Variants in CAPN13 observed in about 807,000 individuals in gnomAD.
CAPN13 encodes calpain-13.
CAPN13 carries 90 observed loss-of-function variants against 98.4 expected under a neutral mutation model. That is an observed-to-expected ratio of 0.92 (90% confidence interval 0.77 to 1.09). CAPN13 has a LOEUF of 1.09. Among genes scored for constraint, CAPN13 ranks in the 50% least tolerant of loss-of-function variants. The pLI, the probability that CAPN13 is intolerant of heterozygous loss-of-function variation, is 0.00. For synonymous variants in CAPN13, 330 were observed against 305.5 expected, an observed-to-expected ratio of 1.08 and a Z score of -0.84; for missense variants, 887 against 841.3, an observed-to-expected ratio of 1.05 and a Z score of -0.67.
chr2:30,787,432 G>A (rs1674351198), intron 1 of CAPN13, 75 bp from the exon 2 acceptor site: 1 of 1,154,526 alleles, frequency 8.7e-7, no homozygotes, highest in Non-Finnish European at 1.2e-6. Flanking sequence ...AGCCCCAGAT[G>A]GGCACTCTGA....
At chr2:30,736,437 G>C (rs1287175146) in intron 18 of CAPN13, 66 bp downstream of exon 18, 21 of 1,482,432 alleles carry the variant, frequency 1.4e-5, no homozygotes, top group Non-Finnish European at 1.8e-5. Context: ...TGCAGGGTTA[G>C]ACACCCAGTA....
chr2:30,758,787 T>C (rs150210851), intron 7 of CAPN13, among the ~76,000 whole-genome samples: 537 of 27,086 alleles, frequency 0.02, 1 homozygote, highest in African/African-American at 0.057. Context: ...CCTCCCTCCC[T>C]TTCCTTTCCT....
At chr2:30,752,286 ACACACT>A (rs1256169411) in intron 10 of CAPN13, among the ~76,000 whole-genome samples, 1 of 152,188 alleles carries the variant, frequency 6.6e-6, no homozygotes, top group Non-Finnish European at 1.5e-5. Context: ...CACACAACAA[ACACACT>A]CACACACACA....
chr2:30,744,128 G>A (rs907069111), intron 12 of CAPN13, among the ~76,000 whole-genome samples: 2 of 152,130 alleles, frequency 1.3e-5, no homozygotes, highest in African/African-American at 4.8e-5. Context: ...ATATAATGCA[G>A]TTCCTATTAC....
chr2:30,754,849 C>T (rs1312641198), intron 8 of CAPN13, among the ~76,000 whole-genome samples: 1 of 152,176 alleles, frequency 6.6e-6, no homozygotes, highest in Admixed American at 6.5e-5. Context: ...TCTGGATATC[C>T]ACCTGGTCTC....
chr2:30,738,515 C>G, intron 15 of CAPN13, 58 bp from the exon 16 acceptor site: 6 of 1,511,992 alleles, frequency 4.0e-6, no homozygotes, highest in Non-Finnish European at 5.4e-6. Flanking sequence ...CTGAGAGGCA[C>G]ATCTGCCTGC....
intron 1 of CAPN13, among the ~76,000 whole-genome samples, chr2:30,801,579 T>G (rs1572893980): frequency 7.7e-6 from 1 of 129,392 alleles, no homozygotes. Context: ...CACTCCAGCC[T>G]GGGTGATAGA....
rs77276081 is a variant in CAPN13, at chr2:30,759,701, A to C, written c.775-1564T>G. Among the ~76,000 whole-genome samples the C allele has an allele frequency of 4.0e-3, 603 of 152,318 alleles. 14 individuals carry two copies. The East Asian group carries it at 0.097, about 24-fold the overall frequency. ...GAGCAACTTTCTCAATACCGCTGAG[A>C]CAGCGGCGGAGGCAGAATTCCAATC... On this transcript the variant is annotated intron_variant, in intron 7 of 22. Coordinates refer to ENST00000295055, the MANE Select transcript of CAPN13 (RefSeq NM_144575.3).
intron 2 of CAPN13, among the ~76,000 whole-genome samples, chr2:30,780,629 C>G (rs1673939034): frequency 6.6e-6 from 1 of 152,158 alleles, no homozygotes; most frequent in African/African-American, 2.4e-5. Context: ...TGATTTCAAA[C>G]CACAAATCAA....
intron 1 of CAPN13, among the ~76,000 whole-genome samples, chr2:30,802,802 T>C: frequency 6.6e-6 from 1 of 151,746 alleles, no homozygotes; most frequent in East Asian, 1.9e-4. Flanking sequence ...AAAAGAGAGG[T>C]AGATGCAGTC....
At chr2:30,803,970 T>C (rs1444797868) in intron 1 of CAPN13, among the ~76,000 whole-genome samples, 2 of 152,142 alleles carry the variant, frequency 1.3e-5, no homozygotes, top group Non-Finnish European at 2.9e-5. Context: ...TGCAGATTGG[T>C]AAAAGCTTCT....
chr2:30,736,675 C>G, intron 17 of CAPN13, 104 bp from the exon 18 acceptor site: 1 of 1,014,570 alleles, frequency 9.9e-7, no homozygotes, highest in Non-Finnish European at 1.5e-6. Flanking sequence ...AGCAACACAG[C>G]TGGTCCATTG....
At chr2:30,747,769 C>T (rs1431863276) in intron 11 of CAPN13, among the ~76,000 whole-genome samples, 1 of 152,204 alleles carries the variant, frequency 6.6e-6, no homozygotes, top group Non-Finnish European at 1.5e-5. Flanking sequence ...CTCAGCTGAA[C>T]TGTGAAAGCA....
rs1028224906 is a variant in CAPN13, at chr2:30,787,009, C to T, written c.198+119G>A. The T allele has an allele frequency of 1.2e-5, 9 of 736,872 alleles. No individual in the cohort carries two copies. The African/African-American group carries it at 1.6e-4, about 13-fold the overall frequency. The allele number at this position is 736,872 out of a possible 1,614,324, so 45.6% of individuals were successfully genotyped here. A position where few individuals can be genotyped will look rare whatever the true frequency, so the allele number is the denominator to read the frequency against. ...AGCTACAACACTGTAGCAGAGATACCTGGTGAATTTCATTCTCCTTCCAGT... is the reference window on the plus strand; with the variant it reads ...AGCTACAACACTGTAGCAGAGATACTTGGTGAATTTCATTCTCCTTCCAGT... On this transcript the variant is annotated intron_variant, in intron 2 of 22. Coordinates refer to ENST00000295055, the MANE Select transcript of CAPN13 (RefSeq NM_144575.3).
chr2:30,757,893 C>T (rs1672537971), intron 8 of CAPN13, among the ~76,000 whole-genome samples, 153 bp downstream of exon 8: 1 of 152,166 alleles, frequency 6.6e-6, no homozygotes, highest in Non-Finnish European at 1.5e-5. Context: ...ATCACAGGAG[C>T]GTGAGATGGA....
At chr2:30,753,823 GT>G (rs1672299713) in intron 9 of CAPN13, among the ~76,000 whole-genome samples, 1 of 152,150 alleles carries the variant, frequency 6.6e-6, no homozygotes, top group African/African-American at 2.4e-5. Context: ...GGCCGAGAAC[GT>G]GTTTTCAAAA....
chr2:30,776,135 C>T (rs886521885), intron 3 of CAPN13, 90 bp from the exon 4 acceptor site: 3 of 757,524 alleles, frequency 4.0e-6, no homozygotes, highest in Admixed American at 2.8e-5. Flanking sequence ...CCAGAGGCTA[C>T]ACAATTCCTT....
chr2:30,741,727 G>A (rs1314934717), intron 15 of CAPN13, 181 bp downstream of exon 15: 13 of 1,449,380 alleles, frequency 9.0e-6, no homozygotes, highest in African/African-American at 4.3e-5. Context: ...GGGGCGCCAC[G>A]TCTCTACCGA....
intron 4 of CAPN13, among the ~76,000 whole-genome samples, chr2:30,774,190 A>G (rs1334248621): frequency 1.3e-5 from 2 of 152,140 alleles, no homozygotes; most frequent in Non-Finnish European, 2.9e-5. Flanking sequence ...TACACACCTC[A>G]GAGGAAAGTA....
Sources: gnomAD v4.1 joint callset for allele counts (sites outside exome capture counted in the v4.1 genomes callset) on GRCh38, gnomAD v4.1.1 for gene constraint, MANE v1.5 for transcripts, NCBI Gene and HGNC (gene_info 2026-07-23, HGNC 2026-07-21) for gene names.